The following MAGI2 variants were observed in gnomAD, a reference collection of about 807,000 sequenced individuals.
MAGI2 encodes the protein membrane associated guanylate kinase, WW and PDZ domain containing 2.
MAGI2 carries 35 observed loss-of-function variants against 133.3 expected under a neutral mutation model. The ratio of observed to expected loss-of-function variants is 0.26; its 90% CI spans 0.20 to 0.35. The LOEUF (loss-of-function observed/expected upper bound fraction) is 0.35, where lower values mean the gene tolerates loss of function less well. Ranked by LOEUF, MAGI2 falls within the 10% of genes least tolerant of loss-of-function variation. MAGI2 has a pLI of 1.00. For synonymous variants in MAGI2, 729 were observed against 710.6 expected (o/e 1.03, Z -0.41); for missense variants, 1,636 against 1,863.4 (o/e 0.88, Z 2.25).
intron 9 of MAGI2, among the ~76,000 whole-genome samples, chr7:78,303,330 G>C (rs1305973877): frequency 7.9e-6 from 1 of 127,218 alleles, no homozygotes; most frequent in Non-Finnish European, 1.6e-5. Flanking sequence ...AGTGAGCCAA[G>C]ATTGCGCCAT....
chr7:79,046,003 T>C (rs1406411582), intron 1 of MAGI2, among the ~76,000 whole-genome samples: 1 of 152,194 alleles, frequency 6.6e-6, no homozygotes, highest in Non-Finnish European at 1.5e-5. Flanking sequence ...AAGTTGTAAC[T>C]ACTGGGGAAA....
At chr7:78,577,385 G>A (rs1212819102) in intron 3 of MAGI2, among the ~76,000 whole-genome samples, 2 of 152,102 alleles carry the variant, frequency 1.3e-5, no homozygotes, top group African/African-American at 2.4e-5. Context: ...ATATGTTATT[G>A]TTATATATTT....
intron 2 of MAGI2, among the ~76,000 whole-genome samples, chr7:78,858,802 C>G (rs1206048518): frequency 6.6e-6 from 1 of 152,166 alleles, no homozygotes; most frequent in Non-Finnish European, 1.5e-5. Context: ...TGTTAACTTT[C>G]TGTCTCGTTG....
At chr7:79,223,842 G>A (rs938296974) in intron 1 of MAGI2, among the ~76,000 whole-genome samples, 2 of 151,910 alleles carry the variant, frequency 1.3e-5, no homozygotes, top group African/African-American at 2.4e-5. Context: ...TCCTTCACAG[G>A]GCTGTTGGTA....
At chr7:78,977,578 TA>T (rs1436604607) in intron 2 of MAGI2, among the ~76,000 whole-genome samples, 1 of 151,584 alleles carries the variant, frequency 6.6e-6, no homozygotes, top group African/African-American at 2.4e-5. Context: ...TGTAATGAAA[TA>T]AAAAACTATA....
intron 4 of MAGI2, among the ~76,000 whole-genome samples, chr7:78,516,010 C>G (rs1328268765): frequency 1.3e-5 from 2 of 152,152 alleles, no homozygotes; most frequent in Non-Finnish European, 2.9e-5. Context: ...CTTCCAAACA[C>G]ATGAAAAGTG....
intron 3 of MAGI2, among the ~76,000 whole-genome samples, chr7:78,608,782 T>G (rs568031474): frequency 1.2e-4 from 19 of 152,308 alleles, no homozygotes; most frequent in African/African-American, 4.6e-4. Context: ...GTACTGAAAT[T>G]GAGGGCAAAA....
chr7:78,279,220 G>T (rs1462255750), intron 9 of MAGI2, among the ~76,000 whole-genome samples: 1 of 152,116 alleles, frequency 6.6e-6, no homozygotes, highest in African/African-American at 2.4e-5. Flanking sequence ...TGACTCAAAC[G>T]GTGGTATCAG....
chr7:78,326,970 A>G (rs1584889013), intron 9 of MAGI2, among the ~76,000 whole-genome samples: 1 of 151,958 alleles, frequency 6.6e-6, no homozygotes, highest in Non-Finnish European at 1.5e-5. Context: ...ATGCTTTTTT[A>G]TGTTGGCTGT....
chr7:78,777,735 C>A (rs1206050584), intron 2 of MAGI2, among the ~76,000 whole-genome samples: 1 of 152,154 alleles, frequency 6.6e-6, no homozygotes, highest in Non-Finnish European at 1.5e-5. Flanking sequence ...AACACACTAT[C>A]ATATTATAAT....
intron 6 of MAGI2, among the ~76,000 whole-genome samples, chr7:78,386,684 C>A (rs1048978326): frequency 5.3e-5 from 8 of 152,132 alleles, no homozygotes. Context: ...CTGGTAACAA[C>A]TGGACTGTGT....
chr7:78,868,762 CT>C (rs202122901), intron 2 of MAGI2, among the ~76,000 whole-genome samples: 8 of 150,832 alleles, frequency 5.3e-5, no homozygotes, highest in African/African-American at 1.2e-4. Flanking sequence ...GTAATACATA[CT>C]TTTTTTTTGA....
At chr7:78,084,270 G>A (rs1335964009) in intron 20 of MAGI2, among the ~76,000 whole-genome samples, 2 of 152,154 alleles carry the variant, frequency 1.3e-5, no homozygotes, top group Non-Finnish European at 2.9e-5. Context: ...AATGATCTGA[G>A]GTCACAGGCT....
chr7:78,328,348 T>C (rs948986797), intron 9 of MAGI2, among the ~76,000 whole-genome samples: 1 of 152,106 alleles, frequency 6.6e-6, no homozygotes, highest in African/African-American at 2.4e-5. Flanking sequence ...TCACCACTGA[T>C]GTAGCCTGTA....
intron 6 of MAGI2, among the ~76,000 whole-genome samples, chr7:78,396,442 CCTTTA>C (rs1000248004): frequency 6.6e-5 from 10 of 152,162 alleles, no homozygotes; most frequent in African/African-American, 2.2e-4. Context: ...TTATCTCTGC[CCTTTA>C]CTTTACTTGG....
intron 2 of MAGI2, among the ~76,000 whole-genome samples, chr7:78,673,107 G>C (rs2151076781): frequency 6.6e-6 from 1 of 152,154 alleles, no homozygotes; most frequent in African/African-American, 2.4e-5. Flanking sequence ...CGATTACATA[G>C]AATGTTAAAA....
At chr7:78,864,338 G>C (rs1279902845) in intron 2 of MAGI2, among the ~76,000 whole-genome samples, 1 of 152,138 alleles carries the variant, frequency 6.6e-6, no homozygotes, top group Non-Finnish European at 1.5e-5. Flanking sequence ...CCATTCTACA[G>C]CATTGATGAG....
intron 17 of MAGI2, 76 bp from the exon 18 acceptor site, chr7:78,133,136 ACTTTG>A: frequency 8.0e-7 from 1 of 1,242,656 alleles, no homozygotes; most frequent in Admixed American, 2.5e-5. Context: ...AGAGGCAGTG[ACTTTG>A]CCTCTGCTGA....
intron 2 of MAGI2, among the ~76,000 whole-genome samples, chr7:78,710,317 T>A (rs1819058644): frequency 6.6e-6 from 1 of 152,134 alleles, no homozygotes; most frequent in Admixed American, 6.5e-5. Context: ...CCCTGCATGA[T>A]CCTGATTGAG....
Sources: allele counts gnomAD v4.1 joint callset (sites outside exome capture counted in the v4.1 genomes callset), GRCh38; gene constraint gnomAD v4.1.1; transcripts MANE v1.5; gene names NCBI Gene and HGNC (gene_info 2026-07-23, HGNC 2026-07-21).